TUT7: variants seen among roughly 807,000 people sequenced by gnomAD.
TUT7 encodes terminal uridylyltransferase 7.
In TUT7, 33 loss-of-function variants were observed where a neutral mutation model predicts 165.9. The observed-to-expected ratio is 0.20, with a 90% CI of 0.15 to 0.27. The LOEUF (loss-of-function observed/expected upper bound fraction) is 0.27. Among genes scored for constraint, TUT7 ranks in the 10% least tolerant of loss-of-function variants. The probability of loss-of-function intolerance (pLI) is 1.00; values close to 1 mark genes in which losing one functional copy is unlikely to be tolerated. For synonymous variants in TUT7, 552 were observed against 608.1 expected, an observed-to-expected ratio of 0.91 and a Z score of 1.36; for missense variants, 1,338 against 1,762.3, an observed-to-expected ratio of 0.76 and a Z score of 4.31.
chr9:86,318,834 T>G, intron 16 of TUT7, 124 bp downstream of exon 16: 1 of 622,338 alleles, frequency 1.6e-6, no homozygotes, highest in East Asian at 2.9e-5. Flanking sequence ...CCAGAGACTG[T>G]GCCAAACAGC....
intron 26 of TUT7, among the ~76,000 whole-genome samples, chr9:86,289,979 C>G (rs1324983705): frequency 6.6e-6 from 1 of 151,972 alleles, no homozygotes; most frequent in Non-Finnish European, 1.5e-5. Context: ...TATGAAAAAA[C>G]AAGGTATAAA....
At chr9:86,348,057 C>T (rs976151668) in intron 2 of TUT7, among the ~76,000 whole-genome samples, 2 of 152,100 alleles carry the variant, frequency 1.3e-5, no homozygotes, top group African/African-American at 4.8e-5. Context: ...TTAGAAAAGC[C>T]CCTATTAGTT....
Position 86,346,497 on chromosome 9 carries a change from A to C in TUT7, c.521-17T>G, listed in dbSNP as rs1264166271. 13 of 1,609,128 alleles carry C rather than the reference A, an allele frequency of 8.1e-6. No homozygotes were observed. Among genetic ancestry groups the C allele is most frequent in the Non-Finnish European group, 1.1e-5 (13 of 1,178,064 alleles). ...TCTTGTTTTCTTAAGGTGGGGGAAA[A>C]ATATTATTGGCAATATTAAATAATG... On this transcript the variant is annotated splice_polypyrimidine_tract_variant and intron_variant, in intron 2 of 26. Transcript: ENST00000375963.
chr9:86,351,830 T>TCCAGCCACTGCA (rs1181087421), intron 2 of TUT7, among the ~76,000 whole-genome samples: 6 of 152,228 alleles, frequency 3.9e-5, no homozygotes, highest in Non-Finnish European at 5.9e-5. Flanking sequence ...AACTTACAAG[T>TCCAGCCACTGCA]CCATGTTTCC....
chr9:86,322,789 T>C, intron 13 of TUT7, 84 bp downstream of exon 13: 1 of 1,434,172 alleles, frequency 7.0e-7, no homozygotes. Flanking sequence ...AATAGGAAAA[T>C]TCCTAGTATA....
intron 25 of TUT7, chr9:86,301,968 C>T: frequency 3.6e-6 from 2 of 550,240 alleles, no homozygotes; most frequent in Non-Finnish European, 4.6e-6. Context: ...CTTTACTTGG[C>T]ACTGGAAATT....
intron 19 of TUT7, 85 bp downstream of exon 19, chr9:86,309,843 T>C (rs1827859159): frequency 7.5e-7 from 1 of 1,332,220 alleles, no homozygotes; most frequent in Non-Finnish European, 1.1e-6. Flanking sequence ...TGACTACAGT[T>C]CATTAAAAAA....
intron 21 of TUT7, 105 bp downstream of exon 21, chr9:86,309,107 T>C (rs966511188): frequency 1.4e-6 from 1 of 697,960 alleles, no homozygotes; most frequent in Non-Finnish European, 2.5e-6. Context: ...TATCATAAGA[T>C]ATATAAATAC....
intron 26 of TUT7, among the ~76,000 whole-genome samples, chr9:86,289,239 A>T (rs1825735514): frequency 6.6e-6 from 1 of 152,230 alleles, no homozygotes; most frequent in Admixed American, 6.5e-5. Flanking sequence ...GACACAAATG[A>T]GGATTACTGA....
chr9:86,337,256 C>T (rs1830873230), intron 10 of TUT7, 163 bp downstream of exon 10: 1 of 781,670 alleles, frequency 1.3e-6, no homozygotes, highest in East Asian at 2.8e-5. Context: ...AAATCAAACA[C>T]ATTAGTATTT....
intron 2 of TUT7, among the ~76,000 whole-genome samples, chr9:86,348,019 TA>T (rs1831925050): frequency 6.6e-6 from 1 of 152,180 alleles, no homozygotes; most frequent in Non-Finnish European, 1.5e-5. Flanking sequence ...AAAAACTCTA[TA>T]AATTTAAAAT....
At chr9:86,302,057 C>T (rs778812041) in intron 25 of TUT7, among the ~76,000 whole-genome samples, 20 of 152,128 alleles carry the variant, frequency 1.3e-4, no homozygotes, top group Non-Finnish European at 2.6e-4. Context: ...TCATTTCTCC[C>T]TTATCCTAAT....
intron 22 of TUT7, among the ~76,000 whole-genome samples, chr9:86,306,654 A>C (rs2131333448): frequency 6.6e-6 from 1 of 152,212 alleles, no homozygotes; most frequent in South Asian, 2.1e-4. Flanking sequence ...TAAAAATACA[A>C]AAATTAGCCA....
intron 26 of TUT7, 43 bp downstream of exon 26, chr9:86,301,233 T>G: frequency 9.9e-4 from 1,486 of 1,501,440 alleles, no homozygotes; most frequent in Non-Finnish European, 1.2e-3. Context: ...AGATTTCCCT[T>G]GAGATGTTAG....
In TUT7 at chr9:86,305,226, C is replaced by A; in HGVS notation, c.3852G>T (p.Leu1284Phe). 1 of 1,599,350 alleles carries A rather than the reference C, an allele frequency of 6.3e-7. No individual in the cohort carries two copies. The highest frequency in any genetic ancestry group is 8.5e-7 in the Non-Finnish European group (1 of 1,175,242). ...ATAATCCAGCTCCAAGATTATGATT[C>A]AAATCAAAGGGATCTAAGCAAAAAA... ...KYIVIEDPFD[L>F]NHNLGAGLSR... Residue 1284 changes from leucine (L) to phenylalanine (F), a missense_variant, in exon 23 of 27, where the codon TTG (leucine) becomes TTT (phenylalanine). This residue lies in a region of TUT7 where 157 missense variants were observed against 357.5 expected (regional missense o/e 0.44). Coordinates refer to ENST00000375963, the MANE Select transcript of TUT7 (RefSeq NM_024617.4).
In TUT7 at chr9:86,303,191, A is replaced by G; in HGVS notation, c.3989T>C (p.Phe1330Ser). 6.3e-7 allele frequency: 1 copy of G among 1,586,418 alleles called. No homozygotes were observed. The highest frequency in any genetic ancestry group is 8.6e-7 in the Non-Finnish European group (1 of 1,162,008). ...TCCTTCAGTTAACACATCTGGATCA[A>G]AAAAGTATTCCTAGAAGAACATAAA... ...KDYPSKMEYFFDPDVLTEGEL... is the reference protein window; with the variant it reads ...KDYPSKMEYFSDPDVLTEGEL... Residue 1330 changes from phenylalanine (F) to serine (S), a missense_variant, in exon 25 of 27, where the codon TTT (phenylalanine) becomes TCT (serine). This residue lies in a region of TUT7 where 167 missense variants were observed against 204.9 expected (regional missense o/e 0.82). Coordinates refer to ENST00000375963, the MANE Select transcript of TUT7 (RefSeq NM_024617.4).
chr9:86,341,818 GT>G (rs1831352226), intron 6 of TUT7, among the ~76,000 whole-genome samples: 1 of 151,990 alleles, frequency 6.6e-6, no homozygotes. Flanking sequence ...CATGACTGCT[GT>G]ATCTCTGCCC....
intron 25 of TUT7, among the ~76,000 whole-genome samples, chr9:86,302,131 G>A (rs1268889862): frequency 1.3e-5 from 2 of 152,106 alleles, no homozygotes; most frequent in Non-Finnish European, 2.9e-5. Context: ...ATTCCAGATG[G>A]TAACCTAATT....
At chr9:86,319,691 A>G (rs1829050207) in intron 14 of TUT7, 21 bp from the exon 15 acceptor site, 2 of 1,525,730 alleles carry the variant, frequency 1.3e-6, no homozygotes, top group East Asian at 2.3e-5. Context: ...ATAAATAGAC[A>G]TATTGACAAA....
Sources: gnomAD v4.1 joint callset for allele counts (sites outside exome capture counted in the v4.1 genomes callset) on GRCh38, gnomAD v4.1.1 for gene constraint, gnomAD v4.1.1 regional missense constraint, MANE v1.5 for transcripts, NCBI Gene and HGNC (gene_info 2026-07-23, HGNC 2026-07-21) for gene names.